The following GUCY1A2 variants were observed in gnomAD, a reference collection of about 807,000 sequenced individuals.
GUCY1A2 encodes guanylate cyclase 1 soluble subunit alpha 2.
A neutral mutation model predicts 63.5 loss-of-function variants in GUCY1A2; 27 were observed. The observed-to-expected ratio is 0.43, with a 90% confidence interval of 0.31 to 0.59. The LOEUF is 0.59. Among genes scored for constraint, GUCY1A2 ranks in the 20% least tolerant of loss-of-function variants. The pLI, the probability that GUCY1A2 is intolerant of heterozygous loss-of-function variation, is 0.11. For synonymous variants in GUCY1A2, 364 were observed against 343.5 expected (o/e 1.06, Z -0.66); for missense variants, 768 against 913.3 (o/e 0.84, Z 2.05).
intron 6 of GUCY1A2, among the ~76,000 whole-genome samples, chr11:106,763,127 C>T (rs928919324): frequency 4.6e-5 from 7 of 151,928 alleles, no homozygotes; most frequent in Non-Finnish European, 5.9e-5. Flanking sequence ...ATAATTCATA[C>T]GTATATTTGG....
rs190661907 is a variant in GUCY1A2 at position 106,757,607 on chromosome 11, C to T, written c.1836+18832G>A. On this transcript the variant is annotated intron_variant, in intron 6 of 7. Transcript: ENST00000526355. ...TAGTTTTCCTTCTAACAGTCAGGCC[C>T]CTCAGCTGCAGGTGTATTGGAGTTT... Among the ~76,000 whole-genome samples, 461 of 152,246 alleles carry T rather than the reference C, an allele frequency of 3.0e-3. 6 individuals are homozygous for T. The highest frequency in any genetic ancestry group is 5.4e-3 in the Non-Finnish European group (370 of 68,022).
chr11:106,775,860 A>G (rs2135402042), intron 6 of GUCY1A2, among the ~76,000 whole-genome samples: 1 of 152,286 alleles, frequency 6.6e-6, no homozygotes, highest in East Asian at 1.9e-4. Flanking sequence ...GACCTCATTC[A>G]TTCTTCATTC....
chr11:106,731,580 G>GT (rs1053618037), intron 6 of GUCY1A2, among the ~76,000 whole-genome samples: 24 of 152,202 alleles, frequency 1.6e-4, no homozygotes, highest in Admixed American at 1.2e-3. Flanking sequence ...CAAATAGGAA[G>GT]AGAGGACGTC....
chr11:106,887,920 G>C (rs1380473199), intron 4 of GUCY1A2, among the ~76,000 whole-genome samples: 2 of 152,080 alleles, frequency 1.3e-5, no homozygotes, highest in East Asian at 1.9e-4. Flanking sequence ...ATTGTCAACG[G>C]TTGCAATTTA....
chr11:106,952,841 T>G (rs1212515714), intron 3 of GUCY1A2, among the ~76,000 whole-genome samples: 1 of 152,046 alleles, frequency 6.6e-6, no homozygotes, highest in Non-Finnish European at 1.5e-5. Flanking sequence ...GGTTTCACCA[T>G]GTTGGCCAGT....
intron 6 of GUCY1A2, among the ~76,000 whole-genome samples, chr11:106,774,935 T>C (rs929973770): frequency 6.6e-6 from 1 of 152,184 alleles, no homozygotes; most frequent in African/African-American, 2.4e-5. Flanking sequence ...TTTTCAGCTC[T>C]TTTTATTTCT....
intron 6 of GUCY1A2, among the ~76,000 whole-genome samples, chr11:106,771,492 A>G (rs1864253522): frequency 6.6e-6 from 1 of 152,184 alleles, no homozygotes; most frequent in Non-Finnish European, 1.5e-5. Context: ...TCATGCCTGT[A>G]ATCCCAACAT....
chr11:107,012,511 A>G (rs1350107805), intron 1 of GUCY1A2, among the ~76,000 whole-genome samples: 1 of 152,180 alleles, frequency 6.6e-6, no homozygotes, highest in East Asian at 1.9e-4. Context: ...CTAATTCACA[A>G]AAGAGGAAAC....
At chr11:106,914,838 T>C (rs1347982374) in intron 4 of GUCY1A2, among the ~76,000 whole-genome samples, 1 of 152,086 alleles carries the variant, frequency 6.6e-6, no homozygotes, top group Non-Finnish European at 1.5e-5. Context: ...AGCTCTAACA[T>C]GTGAAGACCT....
At chr11:106,746,197 A>G (rs1863784836) in intron 6 of GUCY1A2, among the ~76,000 whole-genome samples, 1 of 152,120 alleles carries the variant, frequency 6.6e-6, no homozygotes, top group South Asian at 2.1e-4. Flanking sequence ...GGAGGGAAAA[A>G]AAAAAGCTTT....
rs188273997 is a variant in GUCY1A2 at position 106,920,012 on chromosome 11, G to A, written c.1206+19448C>T. On this transcript the variant is annotated intron_variant, in intron 4 of 7. Transcript: ENST00000526355. ...ACCACAGTTCAAAAAATTACAGGTTGACTCATTGGGCAATAGATAAACTAG... is the reference window on the plus strand; with the variant it reads ...ACCACAGTTCAAAAAATTACAGGTTAACTCATTGGGCAATAGATAAACTAG... Among the ~76,000 whole-genome samples the A allele has an allele frequency of 1.0e-3, 153 of 152,184 alleles. 2 individuals are homozygous for A. Among genetic ancestry groups the A allele is most frequent in the African/African-American group, 3.3e-3 (138 of 41,546 alleles).
At chr11:106,945,967 A>AAAAC (rs757093940) in intron 3 of GUCY1A2, among the ~76,000 whole-genome samples, 54 of 152,322 alleles carry the variant, frequency 3.5e-4, no homozygotes, top group African/African-American at 9.4e-4. Flanking sequence ...CCCATCTCAA[A>AAAAC]AAACAAACAA....
At position 106,676,880 on chromosome 11, in the gene GUCY1A2, T is replaced by C. The variant is rs1862355200; in HGVS notation, c.*10669A>G. 1 of 204,052 alleles carries C rather than the reference T, an allele frequency of 4.9e-6. No individual in the cohort carries two copies. The highest frequency in any genetic ancestry group is 1.0e-5 in the Non-Finnish European group (1 of 99,522). The allele number at this position is 204,052 out of a possible 1,614,324, so 12.6% of individuals were successfully genotyped here. A position where few individuals can be genotyped will look rare whatever the true frequency, so the allele number is the denominator to read the frequency against. On this transcript the variant is annotated 3_prime_UTR_variant, in exon 8 of 8. Transcript: ENST00000526355. ...AAAAATAGGAGATTGTCCAAACAGA[T>C]TGACCCTGATACTTCTTGAAAAAGT...
chr11:106,772,548 TTC>T (rs1435794748), intron 6 of GUCY1A2, among the ~76,000 whole-genome samples: 2 of 152,188 alleles, frequency 1.3e-5, no homozygotes, highest in Non-Finnish European at 2.9e-5. Context: ...TTATTTTGAA[TTC>T]TCTTTCTGCA....
intron 5 of GUCY1A2, among the ~76,000 whole-genome samples, chr11:106,799,848 A>G (rs1344671603): frequency 1.3e-5 from 2 of 152,336 alleles, no homozygotes; most frequent in East Asian, 3.9e-4. Context: ...CTTCATGTCT[A>G]AAACACCAAA....
At chr11:106,892,688 T>A (rs72988338) in intron 4 of GUCY1A2, among the ~76,000 whole-genome samples, 36,228 of 152,070 alleles carry the variant, frequency 0.24, 5,525 homozygotes, top group Non-Finnish European at 0.33. Flanking sequence ...TAAATGATGT[T>A]CAAAAATTTC....
chr11:106,768,464 A>C (rs1353757604), intron 6 of GUCY1A2, among the ~76,000 whole-genome samples: 1 of 152,170 alleles, frequency 6.6e-6, no homozygotes, highest in African/African-American at 2.4e-5. Flanking sequence ...ATTCAAGGCA[A>C]TAGGAAGATT....
intron 4 of GUCY1A2, among the ~76,000 whole-genome samples, chr11:106,818,684 T>C (rs918431652): frequency 2.0e-5 from 3 of 152,156 alleles, no homozygotes; most frequent in African/African-American, 7.2e-5. Context: ...CTACACCTCT[T>C]AAGTCAGTGA....
chr11:106,684,617 T>G lies in GUCY1A2; in HGVS notation c.*2932A>C, dbSNP rs1010346845. ...TACCAACGTGATGCTTTGGTGCTAATGGCTAGTTATAAGGTGCCTTCTTCC... is the reference window on the plus strand; with the variant it reads ...TACCAACGTGATGCTTTGGTGCTAAGGGCTAGTTATAAGGTGCCTTCTTCC... On this transcript the variant is annotated 3_prime_UTR_variant, in exon 8 of 8. Coordinates refer to ENST00000526355, the MANE Select transcript of GUCY1A2 (RefSeq NM_000855.3). 1 of 200,512 alleles carries G rather than the reference T, an allele frequency of 5.0e-6. No individual in the cohort carries two copies. Among genetic ancestry groups the G allele is most frequent in the African/African-American group, 2.3e-5 (1 of 43,560 alleles). The allele number at this position is 200,512 out of a possible 1,614,324, so 12.4% of individuals were successfully genotyped here.
Sources: gnomAD v4.1 joint callset for allele counts (sites outside exome capture counted in the v4.1 genomes callset) on GRCh38, gnomAD v4.1.1 for gene constraint, MANE v1.5 for transcripts, NCBI Gene and HGNC (gene_info 2026-07-23, HGNC 2026-07-21) for gene names.